The following PDSS2 variants were observed in gnomAD, a reference collection of about 807,000 sequenced individuals.
PDSS2 encodes all trans-polyprenyl-diphosphate synthase PDSS2.
A neutral mutation model predicts 44.5 loss-of-function variants in PDSS2; 31 were observed. The observed-to-expected ratio is 0.70, with a 90% CI of 0.52 to 0.94. The LOEUF is 0.94. PDSS2 is among the 40% of genes least tolerant of loss of function. The probability of loss-of-function intolerance (pLI) is 0.00; values close to 1 mark genes in which losing one functional copy is unlikely to be tolerated. For synonymous variants in PDSS2, 157 were observed against 180.3 expected, an observed-to-expected ratio of 0.87 and a Z score of 1.03; for missense variants, 452 against 482.2, an observed-to-expected ratio of 0.94 and a Z score of 0.59.
At chr6:107,171,743 C>G (rs934282042) in intron 7 of PDSS2, among the ~76,000 whole-genome samples, 6 of 152,090 alleles carry the variant, frequency 3.9e-5, no homozygotes, top group Admixed American at 2.6e-4. Flanking sequence ...CCAGGCTGGT[C>G]TTGAATTCCT....
At chr6:107,398,112 G>A (rs1207931456) in intron 1 of PDSS2, among the ~76,000 whole-genome samples, 1 of 152,180 alleles carries the variant, frequency 6.6e-6, no homozygotes, top group African/African-American at 2.4e-5. Flanking sequence ...TTGGGGATCA[G>A]ATCAAAAAAG....
chr6:107,161,121 C>T (rs535492854), intron 7 of PDSS2, among the ~76,000 whole-genome samples: 3 of 151,074 alleles, frequency 2.0e-5, no homozygotes, highest in African/African-American at 7.3e-5. Flanking sequence ...GTGATCCACC[C>T]ACCTCGGCCT....
chr6:107,405,101 C>T (rs987092712), intron 1 of PDSS2, among the ~76,000 whole-genome samples: 5 of 151,582 alleles, frequency 3.3e-5, no homozygotes, highest in Non-Finnish European at 5.9e-5. Context: ...AGAAACCTTA[C>T]AAGGCAGAAG....
chr6:107,334,230 C>T lies in PDSS2; in HGVS notation c.399G>A (p.Gln133=), dbSNP rs767532581. Residue 133 remains glutamine, a synonymous_variant, in exon 2 of 8, where the codon CAG becomes CAA. Coordinates refer to ENST00000369037, the MANE Select transcript of PDSS2 (RefSeq NM_020381.4). ...AGATCCCACTGACCATGTCATAGTT[C>T]TGACATGAAGTGTTCACGCTGCTGG... ...AGPSSVNTSC[Q]NYDMVSGIYS... is the part of the protein sequence containing the mutation. 7.4e-6 allele frequency: 12 copies of T among 1,613,396 alleles called. No homozygotes were observed. In the East Asian group the frequency reaches 2.5e-4, roughly 33 times the overall value.
At chr6:107,172,137 G>C (rs1048069152) in intron 7 of PDSS2, among the ~76,000 whole-genome samples, 1 of 152,140 alleles carries the variant, frequency 6.6e-6, no homozygotes. Context: ...TTAACAAAGA[G>C]AGAAGAGGAT....
At chr6:107,399,846 T>G (rs1780054433) in intron 1 of PDSS2, among the ~76,000 whole-genome samples, 1 of 152,026 alleles carries the variant, frequency 6.6e-6, no homozygotes. Flanking sequence ...TTTTTTTCCC[T>G]CAAAAATGGC....
intron 1 of PDSS2, among the ~76,000 whole-genome samples, chr6:107,453,430 A>C (rs910175842): frequency 9.9e-5 from 15 of 151,732 alleles, no homozygotes; most frequent in Non-Finnish European, 1.8e-4. Flanking sequence ...TATGATGTTC[A>C]ATTGTTCCAG....
At chr6:107,210,002 A>G (rs745786499) in intron 6 of PDSS2, among the ~76,000 whole-genome samples, 9 of 152,016 alleles carry the variant, frequency 5.9e-5, no homozygotes, top group Admixed American at 1.3e-4. Flanking sequence ...ATGCCTCAGA[A>G]CAAGTATTCA....
At chr6:107,198,006 G>A in intron 6 of PDSS2, 1 of 450,954 alleles carries the variant, frequency 2.2e-6, no homozygotes. Context: ...AAATTCAACA[G>A]GTAAGAAGAG....
chr6:107,340,641 G>A (rs1043350656), intron 1 of PDSS2, among the ~76,000 whole-genome samples: 2 of 152,314 alleles, frequency 1.3e-5, no homozygotes, highest in Admixed American at 1.3e-4. Flanking sequence ...AAAGTTACAA[G>A]CAGCTATCAG....
At chr6:107,406,971 G>T (rs1338206860) in intron 1 of PDSS2, among the ~76,000 whole-genome samples, 1 of 152,190 alleles carries the variant, frequency 6.6e-6, no homozygotes, top group Non-Finnish European at 1.5e-5. Context: ...GAATGAACCA[G>T]AATGAATTTG....
At chr6:107,249,261 A>G (rs1358124215) in intron 3 of PDSS2, among the ~76,000 whole-genome samples, 1 of 152,180 alleles carries the variant, frequency 6.6e-6, no homozygotes, top group Non-Finnish European at 1.5e-5. Flanking sequence ...ACCGTGCTAT[A>G]TTCAGTACAA....
At chr6:107,157,717 C>T (rs1770955925) in intron 7 of PDSS2, among the ~76,000 whole-genome samples, 1 of 151,908 alleles carries the variant, frequency 6.6e-6, no homozygotes, top group Non-Finnish European at 1.5e-5. Context: ...ATCACCCAGG[C>T]TGGAGTGCAA....
chr6:107,251,938 A>C (rs928375936), intron 3 of PDSS2, among the ~76,000 whole-genome samples: 4 of 152,220 alleles, frequency 2.6e-5, no homozygotes, highest in African/African-American at 9.7e-5. Context: ...CCTCCCATAG[A>C]GACCAATAAT....
At chr6:107,361,517 G>C (rs796387193) in intron 1 of PDSS2, among the ~76,000 whole-genome samples, 41 of 152,238 alleles carry the variant, frequency 2.7e-4, no homozygotes, top group African/African-American at 9.4e-4. Flanking sequence ...CCCTACAAAT[G>C]TCTTTTCTCT....
chr6:107,258,214 A>G (rs1775089674), intron 3 of PDSS2, among the ~76,000 whole-genome samples: 1 of 152,206 alleles, frequency 6.6e-6, no homozygotes, highest in Non-Finnish European at 1.5e-5. Context: ...TGAAATATGC[A>G]CAAAAATCTT....
intron 4 of PDSS2, among the ~76,000 whole-genome samples, chr6:107,225,155 ATATATATTTTTTTTTT>A (rs1562389294): frequency 2.0e-3 from 104 of 51,448 alleles, no homozygotes; most frequent in South Asian, 0.01. Flanking sequence ...ATATATATAT[ATATATATTTTTTTTTT>A]TTTTTTTTTT....
chr6:107,201,331 A>G (rs1772762995), intron 6 of PDSS2, among the ~76,000 whole-genome samples: 1 of 144,864 alleles, frequency 6.9e-6, no homozygotes, highest in African/African-American at 2.5e-5. Context: ...TGCTCATGAC[A>G]CTGGAGGCCT....
chr6:107,201,715 G>C (rs1017961414), intron 6 of PDSS2, among the ~76,000 whole-genome samples: 2 of 152,274 alleles, frequency 1.3e-5, no homozygotes, highest in African/African-American at 4.8e-5. Context: ...GAAATTGCTA[G>C]AGACTAATCA....
Sources: gnomAD v4.1 joint callset for allele counts (sites outside exome capture counted in the v4.1 genomes callset) on GRCh38, gnomAD v4.1.1 for gene constraint, MANE v1.5 for transcripts, NCBI Gene and HGNC (gene_info 2026-07-23, HGNC 2026-07-21) for gene names.